Variants in NPAS2 observed in about 807,000 individuals in gnomAD.
The protein encoded by NPAS2 is neuronal PAS domain-containing protein 2.
NPAS2 carries 23 observed loss-of-function variants against 107.5 expected under a neutral mutation model. The ratio of observed to expected loss-of-function variants is 0.21; its 90% confidence interval spans 0.15 to 0.30. The LOEUF (loss-of-function observed/expected upper bound fraction) is 0.30, where lower values mean the gene tolerates loss of function less well. NPAS2 is among the 10% of genes least tolerant of loss of function. The pLI is 1.00. For missense variants in NPAS2, 756 were observed against 1,043.3 expected (o/e 0.72, Z 3.79); for synonymous variants, 403 against 417.5 (o/e 0.97, Z 0.42).
At chr2:100,833,147 G>A (rs561859968) in intron 1 of NPAS2, among the ~76,000 whole-genome samples, 5 of 152,280 alleles carry the variant, frequency 3.3e-5, no homozygotes, top group African/African-American at 1.2e-4. Flanking sequence ...CGTCTTATGG[G>A]CCAGGGCATT....
intron 7 of NPAS2, among the ~76,000 whole-genome samples, chr2:100,954,664 CAAA>C (rs1194534141): frequency 0.27 from 22,149 of 81,362 alleles, 2,335 homozygotes; most frequent in East Asian, 0.54. Context: ...AACTGTGTCT[CAAA>C]AAAAAAAAAA....
rs34628006 is a variant in NPAS2 at position 100,964,090 on chromosome 2, A to G, written c.631A>G (p.Thr211Ala). The G allele has an allele frequency of 8.6e-4, 1,390 of 1,613,794 alleles. 1 individual carries two copies. Among genetic ancestry groups the G allele is most frequent in the Non-Finnish European group, 1.1e-3 (1,287 of 1,179,888 alleles). The change falls in exon 8 of 21, where the codon ACC becomes GCC. Residue 211 changes from threonine (T) to alanine (A), a missense_variant. Physicochemically the swap from Thr to Ala is moderately conservative, Grantham distance 58. Transcript: ENST00000335681. ...PSPSCNGFDN[T>A]LSRPCRVPLG... Reference sequence around the variant, plus strand: ...CCCCTCCTGTAATGGTTTTGACAACACCCTTTCAAGACCTTGCCGGGTGCC... The same window carrying G: ...CCCCTCCTGTAATGGTTTTGACAACGCCCTTTCAAGACCTTGCCGGGTGCC...
chr2:100,910,610 C>T (rs529084830), intron 2 of NPAS2, among the ~76,000 whole-genome samples: 7 of 151,702 alleles, frequency 4.6e-5, no homozygotes, highest in Admixed American at 2.6e-4. Context: ...CTCACTGCAA[C>T]CTCTGCCTCC....
intron 1 of NPAS2, among the ~76,000 whole-genome samples, chr2:100,898,933 G>A (rs375139563): frequency 2.6e-5 from 4 of 152,186 alleles, no homozygotes; most frequent in Non-Finnish European, 5.9e-5. Context: ...AAGCCATGTT[G>A]ACAGCATGAT....
At chr2:100,959,998 C>T (rs1456819536) in intron 7 of NPAS2, among the ~76,000 whole-genome samples, 1 of 152,194 alleles carries the variant, frequency 6.6e-6, no homozygotes, top group Admixed American at 6.5e-5. Context: ...TTCTCTACCA[C>T]CTGAGATCTT....
intron 5 of NPAS2, among the ~76,000 whole-genome samples, chr2:100,941,114 T>C (rs1435273028): frequency 6.6e-6 from 1 of 152,156 alleles, no homozygotes; most frequent in Middle Eastern, 3.2e-3. Context: ...GCTTCAAGTC[T>C]CTCTCTGTTT....
At chr2:100,904,452 T>A (rs1394543447) in intron 1 of NPAS2, among the ~76,000 whole-genome samples, 1 of 152,248 alleles carries the variant, frequency 6.6e-6, no homozygotes, top group African/African-American at 2.4e-5. Flanking sequence ...ATAATTGTTC[T>A]GACTTTTCCA....
At chr2:100,860,809 T>C (rs927237032) in intron 1 of NPAS2, among the ~76,000 whole-genome samples, 1 of 152,204 alleles carries the variant, frequency 6.6e-6, no homozygotes, top group Non-Finnish European at 1.5e-5. Context: ...CTTCTGACTT[T>C]CCAGGCTCAT....
At chr2:100,922,545 T>C (rs1683297700) in intron 2 of NPAS2, among the ~76,000 whole-genome samples, 1 of 152,102 alleles carries the variant, frequency 6.6e-6, no homozygotes, top group Non-Finnish European at 1.5e-5. Context: ...ATCGCGTCAC[T>C]GCACTCCAGC....
chr2:100,949,854 C>G (rs1675120883), intron 7 of NPAS2, among the ~76,000 whole-genome samples: 1 of 152,192 alleles, frequency 6.6e-6, no homozygotes, highest in South Asian at 2.1e-4. Context: ...CACACTGTTT[C>G]CCTCCCGCTG....
intron 1 of NPAS2, among the ~76,000 whole-genome samples, chr2:100,864,947 GTATA>G (rs1232555518): frequency 6.6e-6 from 1 of 152,180 alleles, no homozygotes; most frequent in Non-Finnish European, 1.5e-5. Context: ...TCCCCAAACA[GTATA>G]ATTTAGTGAG....
At chr2:100,871,589 C>T (rs1458681116) in intron 1 of NPAS2, among the ~76,000 whole-genome samples, 1 of 152,054 alleles carries the variant, frequency 6.6e-6, no homozygotes, top group African/African-American at 2.4e-5. Flanking sequence ...CCTTATCCTC[C>T]CAAAGTGCTA....
intron 1 of NPAS2, among the ~76,000 whole-genome samples, chr2:100,872,064 G>A (rs1167842248): frequency 6.6e-6 from 1 of 152,172 alleles, no homozygotes; most frequent in Non-Finnish European, 1.5e-5. Context: ...AGCATTTAAT[G>A]GCACTAGAGG....
chr2:100,957,525 C>T (rs1488329385), intron 7 of NPAS2, among the ~76,000 whole-genome samples: 1 of 152,262 alleles, frequency 6.6e-6, no homozygotes, highest in Non-Finnish European at 1.5e-5. Flanking sequence ...TCTCTTGCTT[C>T]TCCAGCGAAA....
intron 1 of NPAS2, among the ~76,000 whole-genome samples, chr2:100,882,088 T>C (rs560514267): frequency 3.2e-4 from 48 of 152,364 alleles, no homozygotes; most frequent in African/African-American, 1.1e-3. Flanking sequence ...TCCCTTTCTT[T>C]TTTCATTCTT....
intron 4 of NPAS2, chr2:100,934,795 G>T: frequency 1.0e-6 from 1 of 985,410 alleles, no homozygotes; most frequent in South Asian, 4.7e-5. Context: ...TGTCACCATT[G>T]TCCAGTGCAA....
chr2:100,935,826 A>G (rs1381076991), intron 4 of NPAS2, among the ~76,000 whole-genome samples: 2 of 152,222 alleles, frequency 1.3e-5, no homozygotes, highest in East Asian at 3.8e-4. Flanking sequence ...GGGAAGGAAA[A>G]GTTACTGGGA....
At chr2:100,843,441 A>T (rs933219426) in intron 1 of NPAS2, among the ~76,000 whole-genome samples, 1 of 152,196 alleles carries the variant, frequency 6.6e-6, no homozygotes, top group East Asian at 1.9e-4. Context: ...GCAGGTAAGA[A>T]GCACATTTTT....
intron 19 of NPAS2, among the ~76,000 whole-genome samples, chr2:100,992,389 T>C (rs1243540565): frequency 6.6e-6 from 1 of 152,236 alleles, no homozygotes; most frequent in Non-Finnish European, 1.5e-5. Context: ...CTGTGTTAAA[T>C]GTCGGCTCTG....
Sources: allele counts gnomAD v4.1 joint callset (sites outside exome capture counted in the v4.1 genomes callset), GRCh38; gene constraint gnomAD v4.1.1; transcripts MANE v1.5; gene names NCBI Gene and HGNC (gene_info 2026-07-23, HGNC 2026-07-21).